Variants in LARGE1 observed in about 807,000 individuals in gnomAD.
LARGE1 encodes xylosyl- and glucuronyltransferase LARGE1.
A neutral mutation model predicts 87.6 loss-of-function variants in LARGE1; 43 were observed. The observed-to-expected ratio is 0.49, with a 90% CI of 0.38 to 0.63. The LOEUF (loss-of-function observed/expected upper bound fraction) is 0.63, where lower values mean the gene tolerates loss of function less well. Ranked by LOEUF, LARGE1 falls within the 30% of genes least tolerant of loss-of-function variation. The pLI is 0.00. For synonymous variants in LARGE1, 434 were observed against 394.6 expected (o/e 1.10, Z -1.18); for missense variants, 802 against 1,000.2 (o/e 0.80, Z 2.67).
chr22:33,291,225 C>T lies in LARGE1; in HGVS notation c.1731-7877G>A, dbSNP rs144943291. ...AGGAGAGGATATAAGGAAAACTCTA[C>T]GACCAACACCTAACTCCTTCACAGT... is the stretch of plus-strand genomic sequence containing the variant. On this transcript the variant is annotated intron_variant, in intron 12 of 14. Coordinates refer to ENST00000397394, the MANE Select transcript of LARGE1 (RefSeq NM_133642.5). Among the ~76,000 whole-genome samples, 336 of 152,226 alleles carry T rather than the reference C, an allele frequency of 2.2e-3. 2 individuals carry two copies. The highest frequency in any genetic ancestry group is 6.8e-3 in the Middle Eastern group (2 of 294).
intron 6 of LARGE1, among the ~76,000 whole-genome samples, chr22:33,537,547 C>CT (rs2077076892): frequency 6.6e-6 from 1 of 152,102 alleles, no homozygotes; most frequent in African/African-American, 2.4e-5. Flanking sequence ...TGTAAAGTCC[C>CT]TTTTGCTATA....
intron 11 of LARGE1, among the ~76,000 whole-genome samples, chr22:33,260,454 C>T (rs146147295): frequency 0.017 from 2,558 of 152,362 alleles, 40 homozygotes; most frequent in African/African-American, 0.033. Flanking sequence ...CCTGAGCTGA[C>T]AGCTCCACTG....
intron 2 of LARGE1, among the ~76,000 whole-genome samples, chr22:33,682,458 C>T (rs1322160510): frequency 6.6e-6 from 1 of 152,178 alleles, no homozygotes; most frequent in Non-Finnish European, 1.5e-5. Flanking sequence ...TCTGCCATTG[C>T]CCCCAAATGG....
intron 2 of LARGE1, among the ~76,000 whole-genome samples, chr22:33,662,023 A>G (rs547251671): frequency 6.7e-6 from 1 of 148,350 alleles, no homozygotes; most frequent in South Asian, 2.2e-4. Context: ...CTGGAAGAAG[A>G]ATTGTCTTGG....
intron 11 of LARGE1, among the ~76,000 whole-genome samples, chr22:33,169,770 G>A (rs1196560844): frequency 6.6e-6 from 1 of 151,972 alleles, no homozygotes; most frequent in South Asian, 2.1e-4. Flanking sequence ...AGAATTGCTT[G>A]AACCTGGGAG....
intron 11 of LARGE1, among the ~76,000 whole-genome samples, chr22:33,192,196 A>T (rs1466496769): frequency 6.6e-6 from 1 of 152,228 alleles, no homozygotes; most frequent in Non-Finnish European, 1.5e-5. Flanking sequence ...CATTAAGAGT[A>T]TCATCAGTAA....
At chr22:33,221,467 C>T (rs1251199943) in intron 11 of LARGE1, 1 of 152,184 alleles carries the variant, frequency 6.6e-6, no homozygotes, top group East Asian at 1.9e-4. Flanking sequence ...GGGTATACAT[C>T]TTCAAGGTCA....
intron 2 of LARGE1, among the ~76,000 whole-genome samples, chr22:33,750,205 C>G (rs1322006107): frequency 6.6e-6 from 1 of 152,192 alleles, no homozygotes; most frequent in Non-Finnish European, 1.5e-5. Context: ...CAAGGATCAA[C>G]AAGGAAGGAT....
At chr22:33,598,058 C>T (rs1223358854) in intron 5 of LARGE1, among the ~76,000 whole-genome samples, 13 of 152,162 alleles carry the variant, frequency 8.5e-5, no homozygotes, top group Non-Finnish European at 1.9e-4. Flanking sequence ...TCTTCAGGAA[C>T]ACCCAGAGAA....
chr22:33,261,050 C>CA (rs1398518036), intron 11 of LARGE1, among the ~76,000 whole-genome samples: 1 of 152,176 alleles, frequency 6.6e-6, no homozygotes, highest in East Asian at 1.9e-4. Flanking sequence ...AACAGCAGTT[C>CA]AGTCTCCGGA....
chr22:33,852,237 G>T (rs1231498043), intron 1 of LARGE1, among the ~76,000 whole-genome samples: 1 of 152,114 alleles, frequency 6.6e-6, no homozygotes, highest in Non-Finnish European at 1.5e-5. Context: ...GTGAGCCAAC[G>T]TTGAAAGGTC....
At chr22:33,712,268 G>T (rs2082754156) in intron 2 of LARGE1, among the ~76,000 whole-genome samples, 1 of 152,188 alleles carries the variant, frequency 6.6e-6, no homozygotes, top group Non-Finnish European at 1.5e-5. Flanking sequence ...AGCCTGGATT[G>T]CAGGCCTAAC....
chr22:33,842,115 T>C (rs1316748090), intron 1 of LARGE1, among the ~76,000 whole-genome samples: 3 of 152,234 alleles, frequency 2.0e-5, no homozygotes, highest in African/African-American at 7.2e-5. Flanking sequence ...AAATGGTTCC[T>C]TACCATCTAG....
the LARGE1 span, among the ~76,000 whole-genome samples, chr22:33,120,388 TTCTTTC>T: frequency 1.0e-5 from 1 of 97,166 alleles, no homozygotes; most frequent in African/African-American, 6.3e-5. Context: ...CTTTCTTTCT[TTCTTTC>T]TTTCTTTCTT....
chr22:33,572,940 G>A (rs2078249988), intron 5 of LARGE1, among the ~76,000 whole-genome samples: 5 of 152,122 alleles, frequency 3.3e-5, no homozygotes. Flanking sequence ...GACTGACTGG[G>A]TTTGAATACT....
At chr22:33,912,841 T>TC in intron 1 of LARGE1, among the ~76,000 whole-genome samples, 1 of 151,674 alleles carries the variant, frequency 6.6e-6, no homozygotes, top group Non-Finnish European at 1.5e-5. Context: ...AAGCATGTTT[T>TC]TTTTTTTTTG....
Position 33,713,552 on chromosome 22 carries a change from T to C in LARGE1, c.106+47819A>G, listed in dbSNP as rs146489298. Reference sequence around the variant, plus strand: ...CAGGTTGGCACTCTTAATTACCTAATTGGTGGTTCTGTTGTAGGCTCTTTT... The same window carrying C: ...CAGGTTGGCACTCTTAATTACCTAACTGGTGGTTCTGTTGTAGGCTCTTTT... On this transcript the variant is annotated intron_variant, in intron 2 of 14. Coordinates refer to ENST00000397394, the MANE Select transcript of LARGE1 (RefSeq NM_133642.5). Among the ~76,000 whole-genome samples the C allele has an allele frequency of 2.7e-3, 416 of 152,154 alleles. 1 individual carries two copies. Among genetic ancestry groups the C allele is most frequent in the African/African-American group, 9.5e-3 (395 of 41,518 alleles).
At chr22:33,524,909 G>A (rs1419218176) in intron 6 of LARGE1, among the ~76,000 whole-genome samples, 1 of 152,222 alleles carries the variant, frequency 6.6e-6, no homozygotes, top group African/African-American at 2.4e-5. Flanking sequence ...AAAGTAGTTT[G>A]TTTTGGTAAA....
At chr22:33,283,680 G>C (rs1190927186) in intron 12 of LARGE1, among the ~76,000 whole-genome samples, 1 of 152,044 alleles carries the variant, frequency 6.6e-6, no homozygotes, top group Non-Finnish European at 1.5e-5. Context: ...GGGGGACTGA[G>C]GCATGACAAT....
Sources: gnomAD v4.1 joint callset for allele counts (sites outside exome capture counted in the v4.1 genomes callset) on GRCh38, gnomAD v4.1.1 for gene constraint, MANE v1.5 for transcripts, NCBI Gene and HGNC (gene_info 2026-07-23, HGNC 2026-07-21) for gene names.